MCTP1: variants seen among roughly 807,000 people sequenced by gnomAD.
The protein encoded by MCTP1 is multiple C2 and transmembrane domain containing 1.
A neutral mutation model predicts 120.6 loss-of-function variants in MCTP1; 69 were observed. That is an observed-to-expected ratio of 0.57 (90% CI 0.47 to 0.70). MCTP1 has a LOEUF of 0.70. Ranked by LOEUF, MCTP1 falls within the 30% of genes least tolerant of loss-of-function variation. MCTP1 has a pLI of 0.00. For missense variants in MCTP1, 1,203 were observed against 1,248.8 expected (o/e 0.96, Z 0.55); for synonymous variants, 529 against 493.1 (o/e 1.07, Z -0.96).
intron 1 of MCTP1, among the ~76,000 whole-genome samples, chr5:95,273,620 G>A (rs188820543): frequency 6.6e-6 from 1 of 152,106 alleles, no homozygotes; most frequent in South Asian, 2.1e-4. Flanking sequence ...TACTTTCAGT[G>A]CCTGACACTG....
chr5:94,953,577 C>T (rs1821182450), intron 2 of MCTP1, among the ~76,000 whole-genome samples: 1 of 151,026 alleles, frequency 6.6e-6, no homozygotes, highest in African/African-American at 2.4e-5. Flanking sequence ...TGATCTTAAT[C>T]GTGTAACCTT....
intron 2 of MCTP1, among the ~76,000 whole-genome samples, chr5:94,961,340 G>A (rs1041594988): frequency 2.6e-5 from 4 of 152,160 alleles, no homozygotes; most frequent in Middle Eastern, 3.4e-3. Flanking sequence ...GTTGATGGGT[G>A]CAGCAAACCA....
intron 19 of MCTP1, among the ~76,000 whole-genome samples, chr5:94,727,012 A>G (rs1350689932): frequency 6.6e-6 from 1 of 152,222 alleles, no homozygotes; most frequent in African/African-American, 2.4e-5. Flanking sequence ...TGAAGTCCAG[A>G]GGCTATTTTT....
intron 19 of MCTP1, among the ~76,000 whole-genome samples, chr5:94,752,884 T>C (rs1478321858): frequency 6.6e-6 from 1 of 152,246 alleles, no homozygotes. Context: ...CTGGGATTTA[T>C]GGTCATCTGA....
At chr5:95,238,915 T>C (rs1031248399) in intron 1 of MCTP1, among the ~76,000 whole-genome samples, 1 of 152,160 alleles carries the variant, frequency 6.6e-6, no homozygotes, top group Non-Finnish European at 1.5e-5. Context: ...TCAATTCCCT[T>C]GTATTCTCTG....
intron 1 of MCTP1, among the ~76,000 whole-genome samples, chr5:95,030,783 G>C (rs1840136352): frequency 6.6e-6 from 1 of 152,004 alleles, no homozygotes; most frequent in Non-Finnish European, 1.5e-5. Context: ...ACTTTTAAAG[G>C]ACTACTCTCA....
chr5:94,792,219 A>G (rs1414444794), intron 18 of MCTP1: 1 of 153,036 alleles, frequency 6.5e-6, no homozygotes, highest in Non-Finnish European at 1.5e-5. Context: ...CAAGTTCCAG[A>G]CCCTGCCTGC....
At chr5:95,093,111 T>G (rs1041186181) in intron 1 of MCTP1, among the ~76,000 whole-genome samples, 1 of 152,192 alleles carries the variant, frequency 6.6e-6, no homozygotes, top group African/African-American at 2.4e-5. Context: ...AAATTAAAAG[T>G]GGGCTTTGGA....
chr5:94,843,656 T>C (rs746875152), intron 17 of MCTP1, among the ~76,000 whole-genome samples: 1 of 152,320 alleles, frequency 6.6e-6, no homozygotes, highest in African/African-American at 2.4e-5. Context: ...TGTCTCTTTA[T>C]AAGAATTTTA....
intron 3 of MCTP1, among the ~76,000 whole-genome samples, chr5:94,946,749 T>A (rs1038735226): frequency 6.6e-6 from 1 of 152,146 alleles, no homozygotes; most frequent in Admixed American, 6.6e-5. Context: ...CAAACTGACA[T>A]CCCTGATGCT....
intron 19 of MCTP1, among the ~76,000 whole-genome samples, chr5:94,743,228 A>G (rs1484371686): frequency 6.6e-6 from 1 of 151,986 alleles, no homozygotes; most frequent in African/African-American, 2.4e-5. Context: ...AGAATTGGCT[A>G]TACTAAAATT....
intron 9 of MCTP1, among the ~76,000 whole-genome samples, chr5:94,910,804 T>C (rs1291644367): frequency 1.3e-5 from 2 of 152,232 alleles, no homozygotes; most frequent in Non-Finnish European, 2.9e-5. Flanking sequence ...ATATATGTTA[T>C]ATATTATAGC....
At chr5:94,927,920 A>C (rs1813574347) in intron 6 of MCTP1, among the ~76,000 whole-genome samples, 1 of 152,150 alleles carries the variant, frequency 6.6e-6, no homozygotes, top group Non-Finnish European at 1.5e-5. Flanking sequence ...GGTTATAATA[A>C]AATCTTTATA....
intron 8 of MCTP1, 149 bp from the exon 9 acceptor site, chr5:94,913,125 A>T: frequency 3.5e-6 from 1 of 288,582 alleles, no homozygotes; most frequent in Non-Finnish European, 6.2e-6. Context: ...TGAATTATTA[A>T]TTAATTATAA....
intron 1 of MCTP1, among the ~76,000 whole-genome samples, chr5:95,148,881 C>T (rs1430085661): frequency 6.6e-6 from 1 of 152,040 alleles, no homozygotes; most frequent in Non-Finnish European, 1.5e-5. Context: ...TTTCAGGTGG[C>T]CAAAGATATG....
chr5:94,841,495 G>A (rs1791044860), intron 17 of MCTP1, among the ~76,000 whole-genome samples: 1 of 152,134 alleles, frequency 6.6e-6, no homozygotes. Context: ...TTGTTTATCA[G>A]TTCTTCTACC....
intron 17 of MCTP1, chr5:94,867,414 C>T: frequency 2.5e-6 from 3 of 1,209,890 alleles, no homozygotes; most frequent in Non-Finnish European, 3.5e-6. Flanking sequence ...AAGTACTAAA[C>T]AGATGTGCAT....
intron 1 of MCTP1, among the ~76,000 whole-genome samples, chr5:95,167,594 C>T (rs1369095228): frequency 9.2e-5 from 14 of 152,252 alleles, no homozygotes; most frequent in Middle Eastern, 3.4e-3. Context: ...TCTTAATGAT[C>T]GCCATTCTAA....
chr5:94,752,567 T>G (rs1192125885), intron 19 of MCTP1, among the ~76,000 whole-genome samples: 1 of 152,132 alleles, frequency 6.6e-6, no homozygotes, highest in Non-Finnish European at 1.5e-5. Flanking sequence ...TCTCTTGAAG[T>G]GGGGCTAAAG....
Sources: allele counts gnomAD v4.1 joint callset (sites outside exome capture counted in the v4.1 genomes callset), GRCh38; gene constraint gnomAD v4.1.1; transcripts MANE v1.5; gene names NCBI Gene and HGNC (gene_info 2026-07-23, HGNC 2026-07-21).